The following LRP1B variants were observed in gnomAD, a reference collection of about 807,000 sequenced individuals.
The protein encoded by LRP1B is low-density lipoprotein receptor-related protein 1B.
A neutral mutation model predicts 556.6 loss-of-function variants in LRP1B; 217 were observed. The observed-to-expected ratio is 0.39, with a 90% CI of 0.35 to 0.44. The LOEUF (loss-of-function observed/expected upper bound fraction) is 0.44. Ranked by LOEUF, LRP1B falls within the 20% of genes least tolerant of loss-of-function variation. The pLI is 1.00. For missense variants in LRP1B, 5,053 were observed against 5,620.8 expected, an observed-to-expected ratio of 0.90 and a Z score of 3.23; for synonymous variants, 2,047 against 1,865.8, an observed-to-expected ratio of 1.10 and a Z score of -2.50.
At chr2:140,825,462 A>G (rs1691470417) in intron 31 of LRP1B, among the ~76,000 whole-genome samples, 1 of 151,942 alleles carries the variant, frequency 6.6e-6, no homozygotes, top group African/African-American at 2.4e-5. Flanking sequence ...AGACTCCCAC[A>G]TGCATACAAA....
intron 3 of LRP1B, among the ~76,000 whole-genome samples, chr2:141,308,530 G>A (rs886664609): frequency 1.3e-5 from 2 of 152,092 alleles, no homozygotes; most frequent in African/African-American, 4.8e-5. Context: ...TTCATTTTCA[G>A]TAAACACAAT....
At chr2:141,819,206 C>G (rs145120345) in intron 1 of LRP1B, among the ~76,000 whole-genome samples, 3 of 151,852 alleles carry the variant, frequency 2.0e-5, no homozygotes, top group African/African-American at 7.3e-5. Context: ...CCATTGTACT[C>G]CAGCCTAGGC....
intron 79 of LRP1B, among the ~76,000 whole-genome samples, chr2:140,330,015 C>T (rs1259120714): frequency 6.6e-6 from 1 of 151,696 alleles, no homozygotes; most frequent in Non-Finnish European, 1.5e-5. Flanking sequence ...GCCTGGCCAA[C>T]ATGGTGAAAC....
chr2:141,446,876 G>A (rs867661783), intron 3 of LRP1B, among the ~76,000 whole-genome samples: 1 of 152,054 alleles, frequency 6.6e-6, no homozygotes, highest in Non-Finnish European at 1.5e-5. Context: ...TGGTGAATCT[G>A]ACAGTTATGT....
chr2:140,891,851 C>A (rs1693809099), intron 23 of LRP1B, among the ~76,000 whole-genome samples: 1 of 152,082 alleles, frequency 6.6e-6, no homozygotes, highest in Non-Finnish European at 1.5e-5. Flanking sequence ...TTTTTTGTTT[C>A]TCTCTTAGTA....
chr2:142,114,220 A>G (rs941544347), intron 1 of LRP1B, among the ~76,000 whole-genome samples: 1 of 152,150 alleles, frequency 6.6e-6, no homozygotes, highest in African/African-American at 2.4e-5. Flanking sequence ...AATGATCAAT[A>G]TGCAGTAGTC....
At position 141,633,500 on chromosome 2, in the gene LRP1B, A is replaced by T. The variant is rs564337538; in HGVS notation, c.206-152967T>A. ...AAGTTACAGTGTGAAATGTTTTCTG[A>T]TTATTTCTTATTTCTTTCCCAGGAA... On this transcript the variant is annotated intron_variant, in intron 2 of 90. Transcript: ENST00000389484. 1.5e-4 allele frequency among the ~76,000 whole-genome samples: 23 copies of T among 152,158 alleles called. 1 individual carries two copies. Among genetic ancestry groups the T allele is most frequent in the African/African-American group, 3.4e-4 (14 of 41,540 alleles).
intron 79 of LRP1B, 78 bp from the exon 80 acceptor site, chr2:140,325,956 G>A (rs1680454984): frequency 2.3e-6 from 2 of 875,078 alleles, no homozygotes; most frequent in African/African-American, 1.7e-5. Context: ...GCTTCTTATT[G>A]TATAATTACA....
At chr2:141,307,289 C>T (rs898456822) in intron 3 of LRP1B, among the ~76,000 whole-genome samples, 1 of 151,898 alleles carries the variant, frequency 6.6e-6, no homozygotes, top group Admixed American at 6.6e-5. Flanking sequence ...CTGGGTACTC[C>T]AGTGTTGGGT....
At chr2:140,665,901 T>G (rs1685249550) in intron 41 of LRP1B, among the ~76,000 whole-genome samples, 1 of 152,136 alleles carries the variant, frequency 6.6e-6, no homozygotes, top group African/African-American at 2.4e-5. Context: ...AACAGATATT[T>G]TTTTCCTTAA....
At chr2:140,480,555 C>T (rs1181648467) in intron 59 of LRP1B, among the ~76,000 whole-genome samples, 2 of 152,070 alleles carry the variant, frequency 1.3e-5, no homozygotes, top group African/African-American at 4.8e-5. Context: ...ATTCTCCTGC[C>T]TCAGCCTCCT....
At chr2:141,792,246 A>T (rs2105664524) in intron 2 of LRP1B, among the ~76,000 whole-genome samples, 4 of 152,102 alleles carry the variant, frequency 2.6e-5, no homozygotes, top group Middle Eastern at 6.8e-3. Flanking sequence ...TAAACTAAGA[A>T]CAATAAAAAA....
At chr2:140,400,361 A>G (rs1206915504) in intron 66 of LRP1B, among the ~76,000 whole-genome samples, 4 of 152,112 alleles carry the variant, frequency 2.6e-5, no homozygotes, top group Admixed American at 6.5e-5. Flanking sequence ...ATTCTACACT[A>G]TCTCCCAGAG....
intron 3 of LRP1B, among the ~76,000 whole-genome samples, chr2:141,315,041 T>TA (rs1241877437): frequency 1.3e-5 from 2 of 150,278 alleles, no homozygotes; most frequent in Non-Finnish European, 3.0e-5. Context: ...CCCATCTCCT[T>TA]ACAGTATCTA....
At chr2:141,052,476 C>A (rs562680981) in intron 10 of LRP1B, among the ~76,000 whole-genome samples, 14 of 151,898 alleles carry the variant, frequency 9.2e-5, no homozygotes, top group Non-Finnish European at 1.6e-4. Flanking sequence ...ATAATATAGT[C>A]GGCTGCTTAC....
chr2:140,574,941 T>C (rs963156560), intron 43 of LRP1B, among the ~76,000 whole-genome samples: 1 of 152,238 alleles, frequency 6.6e-6, no homozygotes, highest in Non-Finnish European at 1.5e-5. Flanking sequence ...TGGTGCTAGC[T>C]TGCCCTTGCA....
At chr2:140,389,045 T>C (rs1026865780) in intron 66 of LRP1B, among the ~76,000 whole-genome samples, 41 of 152,336 alleles carry the variant, frequency 2.7e-4, no homozygotes, top group African/African-American at 9.6e-4. Context: ...ATATGTAATG[T>C]TTTACATTAA....
intron 2 of LRP1B, among the ~76,000 whole-genome samples, chr2:141,718,248 G>C (rs767376335): frequency 2.6e-5 from 4 of 151,982 alleles, no homozygotes; most frequent in Non-Finnish European, 5.9e-5. Context: ...TTCCTCCCTC[G>C]ACCTCAGACT....
At chr2:141,669,501 T>C (rs1160844937) in intron 2 of LRP1B, among the ~76,000 whole-genome samples, 1 of 152,104 alleles carries the variant, frequency 6.6e-6, no homozygotes, top group Non-Finnish European at 1.5e-5. Context: ...GAAGCCTGCC[T>C]CTAGGCAGGG....
Sources: gnomAD v4.1 joint callset for allele counts (sites outside exome capture counted in the v4.1 genomes callset) on GRCh38, gnomAD v4.1.1 for gene constraint, MANE v1.5 for transcripts, NCBI Gene and HGNC (gene_info 2026-07-23, HGNC 2026-07-21) for gene names.